Variants in SRD5A2 observed in about 807,000 individuals in gnomAD.
SRD5A2 encodes the protein 3-oxo-5-alpha-steroid 4-dehydrogenase 2.
In SRD5A2, 30 loss-of-function variants were observed where a neutral mutation model predicts 27.4. The ratio of observed to expected loss-of-function variants is 1.10; its 90% CI spans 0.82 to 1.49. The LOEUF (loss-of-function observed/expected upper bound fraction) is 1.49, where lower values mean the gene tolerates loss of function less well. SRD5A2 is among the 40% of genes most tolerant of loss of function. SRD5A2 has a pLI of 0.00. For synonymous variants in SRD5A2, 141 were observed against 133.6 expected (o/e 1.06, Z -0.38); for missense variants, 348 against 323.4 (o/e 1.08, Z -0.58).
In SRD5A2 at chr2:31,524,880, C is replaced by T. The variant is rs914250543; in HGVS notation, c.*1316G>A. 2.2e-5 allele frequency: 5 copies of T among 226,984 alleles called. No individual in the cohort carries two copies. The highest frequency in any genetic ancestry group is 1.1e-4 in the African/African-American group (5 of 44,948). The allele number at this position is 226,984 out of a possible 1,614,324, so 14.1% of individuals were successfully genotyped here. ...CTCAGCACTCATGCTGGGGTGACCCCTTCACAAGAGTTTGCAAACTCAAAT... is the reference window on the plus strand; with the variant it reads ...CTCAGCACTCATGCTGGGGTGACCCTTTCACAAGAGTTTGCAAACTCAAAT... On this transcript the variant is annotated 3_prime_UTR_variant, in exon 5 of 5. Transcript: ENST00000622030.
the SRD5A2 span, among the ~76,000 whole-genome samples, chr2:31,617,325 G>T: frequency 6.6e-6 from 1 of 152,258 alleles, no homozygotes; most frequent in African/African-American, 2.4e-5. Flanking sequence ...GCAGCACACA[G>T]GAGGGGGCCC....
At chr2:31,628,455 A>G in the SRD5A2 span, among the ~76,000 whole-genome samples, 2 of 152,050 alleles carry the variant, frequency 1.3e-5, no homozygotes, top group Non-Finnish European at 2.9e-5. Flanking sequence ...TAATTGGGGC[A>G]TTTGGCCTGT....
the SRD5A2 span, among the ~76,000 whole-genome samples, chr2:31,660,997 G>A: frequency 3.3e-5 from 5 of 151,986 alleles, no homozygotes; most frequent in African/African-American, 9.7e-5. Flanking sequence ...TACCAAACAC[G>A]AGGCCATTGG....
chr2:31,588,854 G>A, the SRD5A2 span, among the ~76,000 whole-genome samples: 2 of 152,078 alleles, frequency 1.3e-5, no homozygotes, highest in Non-Finnish European at 2.9e-5. Flanking sequence ...TTGGAAAATG[G>A]TGGATAGCAG....
chr2:31,627,573 G>A, the SRD5A2 span, among the ~76,000 whole-genome samples: 1 of 151,874 alleles, frequency 6.6e-6, no homozygotes, highest in Non-Finnish European at 1.5e-5. Flanking sequence ...TTGTTAAATC[G>A]AGATCTTTCT....
the SRD5A2 span, among the ~76,000 whole-genome samples, chr2:31,593,649 C>T: frequency 6.6e-6 from 1 of 152,104 alleles, no homozygotes; most frequent in Admixed American, 6.5e-5. Flanking sequence ...GGAAAACTTC[C>T]CTAATCTTCC....
intron 4 of SRD5A2, 31 bp downstream of exon 4, chr2:31,529,276 T>A: frequency 6.2e-7 from 1 of 1,612,914 alleles, no homozygotes; most frequent in Non-Finnish European, 8.5e-7. Flanking sequence ...GAAAGCTACG[T>A]GAATGCTGCC....
At chr2:31,643,028 C>T in the SRD5A2 span, among the ~76,000 whole-genome samples, 3 of 152,100 alleles carry the variant, frequency 2.0e-5, no homozygotes, top group East Asian at 5.8e-4. Flanking sequence ...GCAGGAGGGA[C>T]ACTGCATGGG....
the SRD5A2 span, among the ~76,000 whole-genome samples, chr2:31,624,482 T>G: frequency 5.3e-4 from 80 of 152,222 alleles, 2 homozygotes; most frequent in East Asian, 0.014. Context: ...TTATTTACAT[T>G]AGGTATTTCT....
At chr2:31,616,466 G>A in the SRD5A2 span, among the ~76,000 whole-genome samples, 1 of 152,188 alleles carries the variant, frequency 6.6e-6, no homozygotes, top group Non-Finnish European at 1.5e-5. Context: ...AAGGCCATAG[G>A]TGCCCACCTC....
At chr2:31,661,716 T>C in the SRD5A2 span, among the ~76,000 whole-genome samples, 2 of 152,178 alleles carry the variant, frequency 1.3e-5, no homozygotes, top group Non-Finnish European at 2.9e-5. Context: ...GGTATCTTTT[T>C]ACCCAATCTG....
Position 31,524,047 on chromosome 2 carries a change from T to C in SRD5A2, c.*2149A>G, listed in dbSNP as rs1665718076. ...AAGTCAAGGTTGGACTAAATACTAT[T>C]TTAGAAAGCGCCCTCTTGTGGCAAA... is the stretch of plus-strand genomic sequence containing the variant. On this transcript the variant is annotated 3_prime_UTR_variant, in exon 5 of 5. Transcript: ENST00000622030. The C allele has an allele frequency of 4.5e-6, 1 of 221,824 alleles. No individual in the cohort carries two copies. Among genetic ancestry groups the C allele is most frequent in the South Asian group, 1.8e-4 (1 of 5,428 alleles). 13.7% of individuals were successfully genotyped at this position (221,824 alleles called of 1,614,324 possible).
At chr2:31,613,129 T>C in the SRD5A2 span, among the ~76,000 whole-genome samples, 13 of 152,042 alleles carry the variant, frequency 8.6e-5, no homozygotes, top group Non-Finnish European at 1.9e-4. Flanking sequence ...TGGATAGGAC[T>C]CCAAAAGTAC....
intron 1 of SRD5A2, among the ~76,000 whole-genome samples, chr2:31,551,352 A>T (rs1666377728): frequency 6.6e-6 from 1 of 152,160 alleles, no homozygotes; most frequent in Admixed American, 6.6e-5. Flanking sequence ...TAAAATGTAC[A>T]CATGCTCCTC....
the SRD5A2 span, among the ~76,000 whole-genome samples, chr2:31,658,798 G>A: frequency 1.3e-5 from 2 of 152,106 alleles, no homozygotes; most frequent in East Asian, 3.9e-4. Flanking sequence ...GTATAAAGAA[G>A]AGCTGGCACC....
intron 1 of SRD5A2, among the ~76,000 whole-genome samples, chr2:31,550,188 T>A (rs947954594): frequency 6.8e-6 from 1 of 146,532 alleles, no homozygotes; most frequent in Admixed American, 6.7e-5. Flanking sequence ...ACTACATTCA[T>A]CTTTGTTTTT....
At chr2:31,528,081 C>A (rs1258339917) in intron 4 of SRD5A2, among the ~76,000 whole-genome samples, 1 of 152,134 alleles carries the variant, frequency 6.6e-6, no homozygotes, top group Non-Finnish European at 1.5e-5. Context: ...TTAGTTAATT[C>A]TTTTGTCCCC....
At chr2:31,538,031 G>A (rs1463519725) in intron 1 of SRD5A2, among the ~76,000 whole-genome samples, 1 of 152,154 alleles carries the variant, frequency 6.6e-6, no homozygotes, top group African/African-American at 2.4e-5. Flanking sequence ...TTCAGTTATA[G>A]CAGCGCAAAA....
intron 1 of SRD5A2, among the ~76,000 whole-genome samples, chr2:31,580,211 G>A (rs547493381): frequency 3.3e-5 from 5 of 152,326 alleles, no homozygotes; most frequent in African/African-American, 1.2e-4. Flanking sequence ...AAAGGTGAAG[G>A]AAGAAAGGGA....
Sources: allele counts gnomAD v4.1 joint callset (sites outside exome capture counted in the v4.1 genomes callset), GRCh38; gene constraint gnomAD v4.1.1; transcripts MANE v1.5; gene names NCBI Gene and HGNC (gene_info 2026-07-23, HGNC 2026-07-21).